Variants in PIGU observed in about 807,000 individuals in gnomAD.
PIGU encodes GPI-anchor transamidase component PIGU.
In PIGU, 24 loss-of-function variants were observed where a neutral mutation model predicts 49.9. That is an observed-to-expected ratio of 0.48 (90% CI 0.35 to 0.68). The LOEUF (loss-of-function observed/expected upper bound fraction) is 0.68. PIGU is among the 30% of genes least tolerant of loss of function. The pLI is 0.01. For synonymous variants in PIGU, 220 were observed against 205.7 expected (o/e 1.07, Z -0.59); for missense variants, 490 against 532.6 (o/e 0.92, Z 0.79).
chr20:34,639,902 G>C (rs933243476), intron 4 of PIGU, among the ~76,000 whole-genome samples: 2 of 152,162 alleles, frequency 1.3e-5, no homozygotes, highest in Non-Finnish European at 2.9e-5. Flanking sequence ...CACAGAGAAG[G>C]GGGCTGGCTC....
At chr20:34,618,852 C>T (rs1030396258) in intron 6 of PIGU, among the ~76,000 whole-genome samples, 2 of 152,146 alleles carry the variant, frequency 1.3e-5, no homozygotes, top group Admixed American at 1.3e-4. Flanking sequence ...CTAGTCACTC[C>T]AGTCCAAGGA....
intron 7 of PIGU, among the ~76,000 whole-genome samples, chr20:34,604,096 T>C (rs984655214): frequency 6.6e-6 from 1 of 152,210 alleles, no homozygotes; most frequent in African/African-American, 2.4e-5. Flanking sequence ...CAGGGTCAAA[T>C]GAACCACATC....
At chr20:34,606,960 C>T (rs1255136743) in intron 7 of PIGU, among the ~76,000 whole-genome samples, 3 of 152,168 alleles carry the variant, frequency 2.0e-5, no homozygotes, top group East Asian at 3.9e-4. Flanking sequence ...AGGGTTTCAC[C>T]ACCTTGGCCA....
intron 1 of PIGU, among the ~76,000 whole-genome samples, chr20:34,660,961 A>C (rs893698107): frequency 1.3e-5 from 2 of 152,218 alleles, no homozygotes; most frequent in Non-Finnish European, 2.9e-5. Context: ...GAATGTTAAC[A>C]TTAGAAAAAG....
chr20:34,573,334 C>T (rs1983090268), intron 11 of PIGU, among the ~76,000 whole-genome samples: 2 of 152,178 alleles, frequency 1.3e-5, no homozygotes, highest in African/African-American at 2.4e-5. Flanking sequence ...CTTTGGTTTC[C>T]ATCCCTAACC....
chr20:34,583,562 T>C (rs1306082015), intron 9 of PIGU, among the ~76,000 whole-genome samples: 1 of 152,228 alleles, frequency 6.6e-6, no homozygotes, highest in Non-Finnish European at 1.5e-5. Flanking sequence ...CATTATTGCC[T>C]AGCCAGGAGC....
At chr20:34,582,307 T>C (rs568611652) in intron 9 of PIGU, among the ~76,000 whole-genome samples, 2 of 152,322 alleles carry the variant, frequency 1.3e-5, no homozygotes, top group Admixed American at 1.3e-4. Context: ...GGGTATCCTC[T>C]CCTGAACTCC....
chr20:34,602,532 G>A (rs1984464818), intron 7 of PIGU, among the ~76,000 whole-genome samples: 1 of 152,056 alleles, frequency 6.6e-6, no homozygotes, highest in African/African-American at 2.4e-5. Context: ...GGGAGGTGGA[G>A]GTTGCAGTGA....
rs574615981 is a variant in PIGU at position 34,674,729 on chromosome 20, C to A, written c.130+2227G>T. Among the ~76,000 whole-genome samples the A allele has an allele frequency of 3.3e-5, 5 of 151,972 alleles. No individual in the cohort carries two copies. In the East Asian group the frequency reaches 9.7e-4, roughly 29 times the overall value. On this transcript the variant is annotated intron_variant, in intron 1 of 11. Coordinates refer to ENST00000217446, the MANE Select transcript of PIGU (RefSeq NM_080476.5). ...ATCACTTGAGCCCAGGAGTTTGAGA[C>A]CAGCCTAAGCAACATGGTGAAACCC...
chr20:34,582,467 C>T (rs1030820987), intron 9 of PIGU, among the ~76,000 whole-genome samples: 1 of 152,038 alleles, frequency 6.6e-6, no homozygotes, highest in Admixed American at 6.6e-5. Context: ...ATGGCTTGAG[C>T]CCAGGAGTTT....
At chr20:34,627,606 C>T (rs1008630847) in intron 6 of PIGU, among the ~76,000 whole-genome samples, 10 of 151,702 alleles carry the variant, frequency 6.6e-5, no homozygotes, top group African/African-American at 2.2e-4. Context: ...TTTTTACGAG[C>T]GACTCCTAGG....
At chr20:34,590,770 C>T (rs1472970810) in intron 7 of PIGU, among the ~76,000 whole-genome samples, 3 of 152,108 alleles carry the variant, frequency 2.0e-5, no homozygotes, top group Non-Finnish European at 2.9e-5. Flanking sequence ...TGCCTGTAAT[C>T]CCAGCACTTT....
chr20:34,654,324 G>A lies in PIGU; in HGVS notation c.195+2856C>T, dbSNP rs867461763. ...CTAAAAATTCAAAAATTAGCCAGGC[G>A]TGGTGGCACACGCCTATAACTCCAG... On this transcript the variant is annotated intron_variant, in intron 2 of 11. Coordinates refer to ENST00000217446, the MANE Select transcript of PIGU (RefSeq NM_080476.5). 3.5e-5 allele frequency among the ~76,000 whole-genome samples: 4 copies of A among 113,938 alleles called. 1 individual carries two copies. Among genetic ancestry groups the A allele is most frequent in the Admixed American group, 2.3e-4 (2 of 8,836 alleles). The allele number at this position is 113,938 out of a possible 152,430, so 74.7% of individuals were successfully genotyped here. A position where few individuals can be genotyped will look rare whatever the true frequency, so the allele number is the denominator to read the frequency against.
At chr20:34,639,228 C>A (rs1309556849) in intron 4 of PIGU, among the ~76,000 whole-genome samples, 1 of 151,884 alleles carries the variant, frequency 6.6e-6, no homozygotes, top group South Asian at 2.1e-4. Flanking sequence ...GGTGAAACCC[C>A]GTCTCTACTA....
chr20:34,602,346 T>C (rs1984456598), intron 7 of PIGU, among the ~76,000 whole-genome samples: 1 of 151,346 alleles, frequency 6.6e-6, no homozygotes, highest in South Asian at 2.1e-4. Context: ...TCTGTAATCC[T>C]AGCACTTTGG....
chr20:34,611,513 G>A (rs1984811770), intron 7 of PIGU, among the ~76,000 whole-genome samples: 1 of 151,916 alleles, frequency 6.6e-6, no homozygotes, highest in South Asian at 2.1e-4. Context: ...AGGCATGGTG[G>A]CACGTGCCTG....
intron 6 of PIGU, among the ~76,000 whole-genome samples, chr20:34,619,464 G>A (rs1016333437): frequency 3.9e-5 from 6 of 152,174 alleles, no homozygotes; most frequent in Admixed American, 6.5e-5. Flanking sequence ...GGAAAACACT[G>A]AAAATAACTT....
Position 34,588,495 on chromosome 20 carries a change from A to G in PIGU, c.740T>C (p.Leu247Pro). The G allele has an allele frequency of 6.2e-7, 1 of 1,614,080 alleles. No homozygotes were observed. The highest frequency in any genetic ancestry group is 8.5e-7 in the Non-Finnish European group (1 of 1,179,914). ...GGGGATGAAATCCCAAGAGCTGAGAAGGAAGAAGGAGAGGCAAATGATTAC... is the reference window on the plus strand; with the variant it reads ...GGGGATGAAATCCCAAGAGCTGAGAGGGAAGAAGGAGAGGCAAATGATTAC... ...LVVIICLSFF[L>P]LSSWDFIPAV... The change falls in exon 8 of 12, where the codon CTT (leucine) becomes CCT (proline). Residue 247 changes from leucine to proline, a missense_variant. Coordinates refer to ENST00000217446, the MANE Select transcript of PIGU (RefSeq NM_080476.5).
chr20:34,640,509 ACACAC>A (rs1568653901), intron 4 of PIGU, among the ~76,000 whole-genome samples: 1 of 107,954 alleles, frequency 9.3e-6, no homozygotes, highest in Non-Finnish European at 2.2e-5. Context: ...GCACACACAC[ACACAC>A]ACACACACAC....
Sources: gnomAD v4.1 joint callset for allele counts (sites outside exome capture counted in the v4.1 genomes callset) on GRCh38, gnomAD v4.1.1 for gene constraint, MANE v1.5 for transcripts, NCBI Gene and HGNC (gene_info 2026-07-23, HGNC 2026-07-21) for gene names.